LARS2: variants seen among roughly 807,000 people sequenced by gnomAD.
The protein encoded by LARS2 is leucine--tRNA ligase, mitochondrial.
In LARS2, 81 loss-of-function variants were observed where a neutral mutation model predicts 116.6. The observed-to-expected ratio is 0.69, with a 90% CI of 0.58 to 0.84. LARS2 has a LOEUF of 0.84. Ranked by LOEUF, LARS2 falls within the 40% of genes least tolerant of loss-of-function variation. LARS2 has a pLI of 0.00. For synonymous variants in LARS2, 396 were observed against 407.2 expected, an observed-to-expected ratio of 0.97 and a Z score of 0.33; for missense variants, 968 against 1,114.5, an observed-to-expected ratio of 0.87 and a Z score of 1.87.
intron 10 of LARS2, among the ~76,000 whole-genome samples, chr3:45,482,889 C>T (rs1434821812): frequency 1.3e-5 from 2 of 152,106 alleles, no homozygotes; most frequent in Admixed American, 6.5e-5. Flanking sequence ...GAGTCCTGTC[C>T]TTCTCTGTGT....
chr3:45,522,055 G>A (rs1199735945), intron 19 of LARS2, among the ~76,000 whole-genome samples: 1 of 152,102 alleles, frequency 6.6e-6, no homozygotes, highest in East Asian at 1.9e-4. Context: ...GCAGTGAGCT[G>A]TTTGGTGCCA....
chr3:45,415,902 G>T (rs866651356), intron 4 of LARS2, among the ~76,000 whole-genome samples: 1,884 of 145,476 alleles, frequency 0.013, 55 homozygotes, highest in African/African-American at 0.049. Flanking sequence ...GGGAGAGAGA[G>T]AGAGAGAGAG....
intron 9 of LARS2, among the ~76,000 whole-genome samples, chr3:45,476,201 C>G (rs1419967789): frequency 6.6e-6 from 1 of 151,996 alleles, no homozygotes; most frequent in Admixed American, 6.5e-5. Context: ...AAGTATCTTT[C>G]TGAGCATTCT....
chr3:45,413,506 A>C lies in LARS2; in HGVS notation c.364-3976A>C, dbSNP rs190608874. ...CCATTTATAGTTGAGACTCAGAATT[A>C]GTAAGTAATGTGCCTCAGGCTCCAC... On this transcript the variant is annotated intron_variant, in intron 4 of 21. Transcript: ENST00000645846. Among the ~76,000 whole-genome samples, 33 of 152,342 alleles carry C rather than the reference A, an allele frequency of 2.2e-4. No homozygotes were observed. The East Asian group carries it at 5.8e-3, about 27-fold the overall frequency.
rs546916779 is a variant in LARS2, at chr3:45,458,325, A to G, written c.607-418A>G. 2.6e-5 allele frequency among the ~76,000 whole-genome samples: 4 copies of G among 152,132 alleles called. No homozygotes were observed. In the South Asian group the frequency reaches 8.3e-4, roughly 32 times the overall value. Reference sequence around the variant, plus strand: ...GCAAGTGGTTTCTTTACCAAGCAGTACTCCACGGAGCAGAGTCATTGCATT... The same window carrying G: ...GCAAGTGGTTTCTTTACCAAGCAGTGCTCCACGGAGCAGAGTCATTGCATT... On this transcript the variant is annotated intron_variant, in intron 7 of 21. Coordinates refer to ENST00000645846, the MANE Select transcript of LARS2 (RefSeq NM_015340.4).
At position 45,524,009 on chromosome 3, in the gene LARS2, A is replaced by T. The variant is rs753243043; in HGVS notation, c.2305A>T (p.Ser769Cys). The T allele has an allele frequency of 6.2e-7, 1 of 1,613,584 alleles. No homozygotes were observed. Among genetic ancestry groups the T allele is most frequent in the South Asian group, 1.1e-5 (1 of 91,066 alleles). ...TCCTCTTCCTTAGCAAGCCTCTCAG[A>T]GCGTCATTCTCCACAGCCCCGAGTT... The part of the protein sequence containing the change: ...LSNALSQASQ[S>C]VILHSPEFED... Residue 769 changes from serine to cysteine, a missense_variant, in exon 20 of 22, where the codon AGC (serine) becomes TGC (cysteine). Ser to Cys is a moderately radical substitution (Grantham distance 112). Transcript: ENST00000645846.
intron 6 of LARS2, among the ~76,000 whole-genome samples, chr3:45,424,063 A>C (rs1368168726): frequency 1.3e-5 from 2 of 152,212 alleles, no homozygotes; most frequent in Non-Finnish European, 2.9e-5. Context: ...CAAACCAGGA[A>C]GCTGCCTTCG....
At chr3:45,415,860 A>AAAAATAT (rs1553627793) in intron 4 of LARS2, among the ~76,000 whole-genome samples, 1 of 92,742 alleles carries the variant, frequency 1.1e-5, no homozygotes, top group African/African-American at 5.0e-5. Flanking sequence ...AAAAAAAAAA[A>AAAAATAT]ATATATATAT....
chr3:45,423,661 G>A (rs1575244278), intron 6 of LARS2, among the ~76,000 whole-genome samples: 2 of 152,208 alleles, frequency 1.3e-5, no homozygotes, highest in Middle Eastern at 3.4e-3. Flanking sequence ...CATATTCATA[G>A]CAATTATTTA....
chr3:45,404,534 G>A (rs1272358517), intron 4 of LARS2, among the ~76,000 whole-genome samples: 1 of 152,166 alleles, frequency 6.6e-6, no homozygotes, highest in Non-Finnish European at 1.5e-5. Flanking sequence ...TCTAAGCAGG[G>A]AAGGAATATC....
At chr3:45,408,571 T>G (rs1016544540) in intron 4 of LARS2, among the ~76,000 whole-genome samples, 15 of 152,196 alleles carry the variant, frequency 9.9e-5, no homozygotes, top group Non-Finnish European at 1.8e-4. Context: ...CTGGTAACAT[T>G]GGAGGACAGG....
At chr3:45,420,020 TAA>T (rs1293626780) in intron 6 of LARS2, among the ~76,000 whole-genome samples, 1 of 152,254 alleles carries the variant, frequency 6.6e-6, no homozygotes, top group Non-Finnish European at 1.5e-5. Context: ...GCAATAGTTT[TAA>T]AAGACTGTTG....
At chr3:45,532,401 G>T (rs555340376) in intron 20 of LARS2, among the ~76,000 whole-genome samples, 1 of 152,256 alleles carries the variant, frequency 6.6e-6, no homozygotes, top group South Asian at 2.1e-4. Flanking sequence ...TTTATGTTCA[G>T]TTAATTGATT....
intron 21 of LARS2, among the ~76,000 whole-genome samples, chr3:45,544,823 C>G (rs540049090): frequency 1.3e-5 from 2 of 152,284 alleles, no homozygotes; most frequent in South Asian, 4.2e-4. Flanking sequence ...AGAGGAGCAG[C>G]CTCTCCCCAG....
At chr3:45,425,549 G>T (rs1212647575) in intron 6 of LARS2, among the ~76,000 whole-genome samples, 1 of 152,188 alleles carries the variant, frequency 6.6e-6, no homozygotes, top group Non-Finnish European at 1.5e-5. Context: ...ACTGGGACAG[G>T]CTTTTGGTGA....
chr3:45,394,872 A>T (rs2125672224), intron 3 of LARS2, among the ~76,000 whole-genome samples, 185 bp downstream of exon 3: 1 of 152,254 alleles, frequency 6.6e-6, no homozygotes, highest in South Asian at 2.1e-4. Flanking sequence ...CACCTGCACT[A>T]TTGGGAGGGG....
At chr3:45,391,860 G>T (rs1183811891) in intron 2 of LARS2, among the ~76,000 whole-genome samples, 1 of 152,202 alleles carries the variant, frequency 6.6e-6, no homozygotes, top group Non-Finnish European at 1.5e-5. Context: ...TATTCTTGTT[G>T]TGTAGACAGA....
rs1436865423 is a variant in LARS2, at chr3:45,532,710, C to T, written c.2404+8602C>T. Among the ~76,000 whole-genome samples the T allele has an allele frequency of 5.3e-5, 8 of 152,126 alleles. No individual in the cohort carries two copies. The South Asian group carries it at 1.7e-3, about 32-fold the overall frequency. On this transcript the variant is annotated intron_variant, in intron 20 of 21. Coordinates refer to ENST00000645846, the MANE Select transcript of LARS2 (RefSeq NM_015340.4). ...AGGCTGGAGTGCGGTGGTGCCACCT[C>T]AGCTCACTGCAACTTCCGCCTCCCG...
At chr3:45,537,803 G>A (rs1700730387) in intron 20 of LARS2, among the ~76,000 whole-genome samples, 1 of 152,194 alleles carries the variant, frequency 6.6e-6, no homozygotes, top group Non-Finnish European at 1.5e-5. Flanking sequence ...TGATCACTCT[G>A]GGGTGCCATG....
Sources: allele counts gnomAD v4.1 joint callset (sites outside exome capture counted in the v4.1 genomes callset), GRCh38; gene constraint gnomAD v4.1.1; transcripts MANE v1.5; gene names NCBI Gene and HGNC (gene_info 2026-07-23, HGNC 2026-07-21).